Variants in FOXN3 observed in about 807,000 individuals in gnomAD.
The protein encoded by FOXN3 is forkhead box protein N3.
A neutral mutation model predicts 38.4 loss-of-function variants in FOXN3; 7 were observed. That is an observed-to-expected ratio of 0.18 (90% CI 0.10 to 0.34). The LOEUF is 0.34. FOXN3 is among the 10% of genes least tolerant of loss of function. The pLI, the probability that FOXN3 is intolerant of heterozygous loss-of-function variation, is 1.00. For missense variants in FOXN3, 456 were observed against 613.4 expected, an observed-to-expected ratio of 0.74 and a Z score of 2.71; for synonymous variants, 230 against 242.2, an observed-to-expected ratio of 0.95 and a Z score of 0.47.
chr14:89,270,379 T>C (rs8018129), intron 4 of FOXN3, among the ~76,000 whole-genome samples: 89,394 of 152,132 alleles, frequency 0.59, 26,460 homozygotes, highest in East Asian at 0.68. Context: ...TGCAAGACAT[T>C]GCAGAAATGC....
At chr14:89,245,728 T>G (rs1216460817) in intron 4 of FOXN3, among the ~76,000 whole-genome samples, 1 of 152,234 alleles carries the variant, frequency 6.6e-6, no homozygotes, top group Non-Finnish European at 1.5e-5. Flanking sequence ...TTCACATTTT[T>G]CCTTTTTCTC....
chr14:89,541,447 C>T (rs1439607302), intron 1 of FOXN3, among the ~76,000 whole-genome samples: 1 of 152,170 alleles, frequency 6.6e-6, no homozygotes, highest in African/African-American at 2.4e-5. Flanking sequence ...ACCTCTGGTC[C>T]TCCTCACTGC....
rs140149245 is a variant in FOXN3, at chr14:89,459,681, T to C, written c.-14-47191A>G. 1.3e-3 allele frequency among the ~76,000 whole-genome samples: 195 copies of C among 152,308 alleles called. 1 individual carries two copies. The highest frequency in any genetic ancestry group is 4.6e-3 in the African/African-American group (191 of 41,572). ...GGGGCAGATGGAAGCATACCCTTCC[T>C]CACTCCCTTGGCCCACAACTTTCAT... On this transcript the variant is annotated intron_variant, in intron 1 of 6. Transcript: ENST00000345097.
rs1555358183 is a variant in FOXN3 at position 89,513,163 on chromosome 14, A to AAG, written c.-14-100674_-14-100673insCT. Reference sequence around the variant, plus strand: ...ATTCCATCTCAGGAAAAAAAAAAAAAAAAAAAGAAAAAGAAAGAAAGAAAC... The same window carrying AAG: ...ATTCCATCTCAGGAAAAAAAAAAAAAAGAAAAAAGAAAAAGAAAGAAAGAAAC... On this transcript the variant is annotated intron_variant, in intron 1 of 6. Transcript: ENST00000345097. Among the ~76,000 whole-genome samples the AAG allele has an allele frequency of 6.6e-5, 10 of 151,016 alleles. No individual in the cohort carries two copies. The South Asian group carries it at 1.3e-3, about 19-fold the overall frequency.
intron 5 of FOXN3, among the ~76,000 whole-genome samples, chr14:89,177,820 C>G (rs1021264259): frequency 2.6e-5 from 4 of 152,046 alleles, no homozygotes; most frequent in African/African-American, 9.7e-5. Flanking sequence ...CTTCCTAGTC[C>G]CTGCCCCCCA....
At chr14:89,434,081 G>C (rs867752246) in intron 1 of FOXN3, among the ~76,000 whole-genome samples, 3 of 134,732 alleles carry the variant, frequency 2.2e-5, no homozygotes, top group Admixed American at 7.5e-5. Flanking sequence ...CTGCCACTAC[G>C]CCCGGCTAAT....
chr14:89,337,342 A>G (rs934484541), intron 3 of FOXN3, among the ~76,000 whole-genome samples: 2 of 152,220 alleles, frequency 1.3e-5, no homozygotes, highest in African/African-American at 4.8e-5. Flanking sequence ...ATCAAAGAAG[A>G]AAAGAATGTA....
At chr14:89,403,240 C>T (rs1044415405) in intron 2 of FOXN3, among the ~76,000 whole-genome samples, 3 of 151,842 alleles carry the variant, frequency 2.0e-5, no homozygotes, top group African/African-American at 7.3e-5. Context: ...CTCACTCTGT[C>T]GCCCAGGCTG....
chr14:89,162,372 A>T lies in FOXN3; in HGVS notation c.*42T>A. Reference sequence around the variant, plus strand: ...CATTAGAAATCTCCTGACATGCTGAAACCAAATGGTCGTAAGTTCAAAACA... The same window carrying T: ...CATTAGAAATCTCCTGACATGCTGATACCAAATGGTCGTAAGTTCAAAACA... On this transcript the variant is annotated 3_prime_UTR_variant, in exon 6 of 6. Coordinates refer to ENST00000557258, the MANE Select transcript of FOXN3 (RefSeq NM_005197.4). This position sits in a 1 kb window ranked among gnomAD's most constrained non-coding sequence, Gnocchi z 7.2. 6.8e-7 allele frequency: 1 copy of T among 1,472,604 alleles called. No homozygotes were observed. The highest frequency in any genetic ancestry group is 2.4e-5 in the Admixed American group (1 of 41,468). 91.2% of individuals were successfully genotyped at this position (1,472,604 alleles called of 1,614,324 possible). A position where few individuals can be genotyped will look rare whatever the true frequency, so the allele number is the denominator to read the frequency against.
rs551114569 is a variant in FOXN3, at chr14:89,609,489, T to C, written c.-15+9539A>G. 5.3e-5 allele frequency among the ~76,000 whole-genome samples: 8 copies of C among 152,252 alleles called. No individual in the cohort carries two copies. In the South Asian group the frequency reaches 1.7e-3, roughly 32 times the overall value. Reference sequence around the variant, plus strand: ...TAACAATAAAAATAGCTACAATAATTTGAGTTGCAACCACGTGCCAGGCTC... The same window carrying C: ...TAACAATAAAAATAGCTACAATAATCTGAGTTGCAACCACGTGCCAGGCTC... On this transcript the variant is annotated intron_variant, in intron 1 of 6. Transcript: ENST00000345097.
intron 1 of FOXN3, among the ~76,000 whole-genome samples, chr14:89,507,084 C>T (rs1893956272): frequency 7.0e-6 from 1 of 142,078 alleles, no homozygotes; most frequent in Admixed American, 7.4e-5. Context: ...ATGACCCTGC[C>T]AAATCCCCCT....
At chr14:89,413,202 A>G (rs1294850732) in intron 1 of FOXN3, among the ~76,000 whole-genome samples, 2 of 152,192 alleles carry the variant, frequency 1.3e-5, no homozygotes, top group Non-Finnish European at 2.9e-5. Context: ...CACCCAACGT[A>G]ACACAGAAAG....
At chr14:89,418,936 A>ACCCCCC (rs1167936152), upstream of FOXN3, among the ~76,000 whole-genome samples, 1 of 39,928 alleles carries the variant, frequency 2.5e-5, no homozygotes, top group African/African-American at 9.7e-5. Context: ...CCCCAACCCC[A>ACCCCCC]CCCCCAAGTC....
At chr14:89,245,556 C>A (rs1260163188) in intron 4 of FOXN3, among the ~76,000 whole-genome samples, 1 of 151,946 alleles carries the variant, frequency 6.6e-6, no homozygotes, top group Admixed American at 6.6e-5. Context: ...ATACTTCTTT[C>A]CCCCTCATTT....
Position 89,283,153 on chromosome 14 carries a change from C to T in FOXN3, c.681-2139G>A, listed in dbSNP as rs565968660. On this transcript the variant is annotated intron_variant, in intron 3 of 5. Coordinates refer to ENST00000557258, the MANE Select transcript of FOXN3 (RefSeq NM_005197.4). Reference sequence around the variant, plus strand: ...TCAAGCTCCCTGGCCCATATCTACACGCTTCTTTTGGAGGGTTCCTCAAAA... The same window carrying T: ...TCAAGCTCCCTGGCCCATATCTACATGCTTCTTTTGGAGGGTTCCTCAAAA... Among the ~76,000 whole-genome samples the T allele has an allele frequency of 2.2e-4, 34 of 152,304 alleles. No individual in the cohort carries two copies. The South Asian group carries it at 5.2e-3, about 23-fold the overall frequency.
At chr14:89,243,537 T>C (rs1371718485) in intron 4 of FOXN3, among the ~76,000 whole-genome samples, 1 of 152,222 alleles carries the variant, frequency 6.6e-6, no homozygotes, top group East Asian at 1.9e-4. Context: ...AGCCTTATTG[T>C]GTTATTTTAT....
chr14:89,378,217 T>C (rs545268225), intron 2 of FOXN3, among the ~76,000 whole-genome samples: 3 of 152,332 alleles, frequency 2.0e-5, no homozygotes, highest in East Asian at 1.9e-4. Flanking sequence ...CATTCATTGA[T>C]ACAGAAAATC....
intron 1 of FOXN3, among the ~76,000 whole-genome samples, chr14:89,585,774 AAAGG>A (rs1895829382): frequency 4.0e-5 from 6 of 148,480 alleles, no homozygotes; most frequent in African/African-American, 1.5e-4. Flanking sequence ...AAAAAAAAAG[AAAGG>A]AAGGAAGAAA....
intron 1 of FOXN3, among the ~76,000 whole-genome samples, chr14:89,528,568 G>A (rs138061635): frequency 0.012 from 1,756 of 151,572 alleles, 28 homozygotes; most frequent in African/African-American, 0.04. Context: ...GGCTAATTTT[G>A]TATTTTTAGT....
Sources: gnomAD v4.1 joint callset for allele counts (sites outside exome capture counted in the v4.1 genomes callset) on GRCh38, gnomAD v4.1.1 for gene constraint, Gnocchi (gnomAD v3.1) non-coding constraint, MANE v1.5 for transcripts, NCBI Gene and HGNC (gene_info 2026-07-23, HGNC 2026-07-21) for gene names.